The following ANKMY1 variants were observed in gnomAD, a reference collection of about 807,000 sequenced individuals.
ANKMY1 encodes the protein ankyrin repeat and MYND domain containing 1.
A neutral mutation model predicts 102.0 loss-of-function variants in ANKMY1; 98 were observed. The observed-to-expected ratio is 0.96, with a 90% CI of 0.82 to 1.14. The LOEUF is 1.14. Among genes scored for constraint, ANKMY1 ranks in the 50% most tolerant of loss-of-function variants. The pLI is 0.00. For synonymous variants in ANKMY1, 582 were observed against 559.9 expected (o/e 1.04, Z -0.56); for missense variants, 1,330 against 1,347.6 (o/e 0.99, Z 0.20).
At chr2:240,508,602 C>G (rs763194198) in intron 12 of ANKMY1, among the ~76,000 whole-genome samples, 3 of 152,156 alleles carry the variant, frequency 2.0e-5, no homozygotes, top group Non-Finnish European at 4.4e-5. Flanking sequence ...TTGTCATTTC[C>G]TGAAACTGTG....
chr2:240,525,796 C>G lies in ANKMY1; in HGVS notation c.1224G>C (p.Val408=), dbSNP rs2083246956. The change falls in exon 7 of 18, where the codon GTG becomes GTC. Residue 408 remains valine, a synonymous_variant. Transcript: ENST00000401804. Reference sequence around the variant, plus strand: ...TGAGACCCTCATCTGAGCACTTGTTCACGTCGGCCCCACAGTCCAGGAGAA... The same window carrying G: ...TGAGACCCTCATCTGAGCACTTGTTGACGTCGGCCCCACAGTCCAGGAGAA... ...VNLLLDCGAD[V]NKCSDEGLTA... is the part of the protein sequence containing the mutation. 4 of 1,614,126 alleles carry G rather than the reference C, an allele frequency of 2.5e-6. No homozygotes were observed. In the South Asian group the frequency reaches 4.4e-5, roughly 18 times the overall value.
chr2:240,544,598 G>A (rs543869570), intron 4 of ANKMY1, among the ~76,000 whole-genome samples: 227 of 152,292 alleles, frequency 1.5e-3, no homozygotes, highest in African/African-American at 5.1e-3. Flanking sequence ...CTGAGGTACC[G>A]GGTTCATCTC....
intron 7 of ANKMY1, among the ~76,000 whole-genome samples, chr2:240,524,808 C>T (rs1438320759): frequency 1.3e-5 from 2 of 152,202 alleles, no homozygotes; most frequent in African/African-American, 4.8e-5. Context: ...TTTACTTTTT[C>T]ATGTGGCTAC....
At chr2:240,533,706 T>A (rs1273510280) in intron 4 of ANKMY1, among the ~76,000 whole-genome samples, 4 of 138,116 alleles carry the variant, frequency 2.9e-5, no homozygotes, top group Non-Finnish European at 6.2e-5. Context: ...ATTATTGGGC[T>A]GGATTTCAAT....
intron 15 of ANKMY1, among the ~76,000 whole-genome samples, chr2:240,497,648 A>G (rs1485774406): frequency 6.6e-6 from 1 of 152,146 alleles, no homozygotes; most frequent in African/African-American, 2.4e-5. Context: ...TAGCCAGTCT[A>G]TAGTTTAGTC....
At chr2:240,474,640 G>C (rs1172590892), downstream of ANKMY1, among the ~76,000 whole-genome samples, 1 of 152,098 alleles carries the variant, frequency 6.6e-6, no homozygotes, top group Non-Finnish European at 1.5e-5. Flanking sequence ...TAATCATTTA[G>C]ATCCTACTTA....
chr2:240,469,513 A>C, the ANKMY1 span, among the ~76,000 whole-genome samples: 1 of 152,200 alleles, frequency 6.6e-6, no homozygotes, highest in African/African-American at 2.4e-5. Context: ...GCAGCCCCTC[A>C]GTCAGCCTCC....
chr2:240,560,661 A>G (rs1487088564), upstream of ANKMY1: 4 of 1,494,396 alleles, frequency 2.7e-6, no homozygotes, highest in Non-Finnish European at 3.5e-6. Context: ...TCAGGGCCCA[A>G]AAGCAGACTC....
chr2:240,524,684 A>G (rs1024214104), intron 7 of ANKMY1, among the ~76,000 whole-genome samples: 1 of 152,272 alleles, frequency 6.6e-6, no homozygotes, highest in Non-Finnish European at 1.5e-5. Flanking sequence ...GAGAGGTTGG[A>G]AAACGAAGGC....
intron 2 of ANKMY1, chr2:240,555,316 C>T (rs1465274020): frequency 2.0e-6 from 1 of 501,536 alleles, no homozygotes; most frequent in Non-Finnish European, 3.6e-6. Flanking sequence ...AGAGGCAGGA[C>T]CAGTCGGCCT....
At chr2:240,558,074 C>G, upstream of ANKMY1, 1 of 772,166 alleles carries the variant, frequency 1.3e-6, no homozygotes, top group Non-Finnish European at 1.6e-6. Flanking sequence ...CCAGGACGCA[C>G]CCGGCCCCGC....
chr2:240,536,457 C>G (rs1323617691), intron 4 of ANKMY1, among the ~76,000 whole-genome samples: 1 of 152,096 alleles, frequency 6.6e-6, no homozygotes, highest in African/African-American at 2.4e-5. Context: ...GGCACAGCAG[C>G]GCCACTCATT....
chr2:240,541,541 C>T (rs1356266383), intron 4 of ANKMY1, among the ~76,000 whole-genome samples: 3 of 140,468 alleles, frequency 2.1e-5, no homozygotes, highest in African/African-American at 5.3e-5. Context: ...GTCTCACTCT[C>T]GCCCAGGCTG....
chr2:240,556,502 T>C (rs757245097), intron 2 of ANKMY1, among the ~76,000 whole-genome samples: 1 of 152,162 alleles, frequency 6.6e-6, no homozygotes, highest in Non-Finnish European at 1.5e-5. Context: ...GAAACCAATA[T>C]TGCTATAGAT....
intron 4 of ANKMY1, among the ~76,000 whole-genome samples, chr2:240,548,237 G>A (rs1468850502): frequency 8.6e-5 from 13 of 151,942 alleles, no homozygotes; most frequent in African/African-American, 2.7e-4. Flanking sequence ...GTAATCCAGC[G>A]TATAAACAGA....
chr2:240,521,293 AGTCTCCAGACCC>A lies in ANKMY1; in HGVS notation c.1833-772_1833-761del, dbSNP rs367577107. Among the ~76,000 whole-genome samples, 389 of 152,198 alleles carry A rather than the reference AGTCTCCAGACCC, an allele frequency of 2.6e-3. 3 individuals are homozygous for A. The highest frequency in any genetic ancestry group is 8.7e-3 in the African/African-American group (361 of 41,522). On this transcript the variant is annotated intron_variant, in intron 8 of 17. Transcript: ENST00000401804. ...GCACTTGAGCAGCAGCCTCCAGCCC[AGTCTCCAGACCC>A]GTCTCCAGACCCTGACCACTCGGAA...
At chr2:240,549,788 G>C (rs912419396) in intron 4 of ANKMY1, among the ~76,000 whole-genome samples, 2 of 152,210 alleles carry the variant, frequency 1.3e-5, no homozygotes, top group African/African-American at 4.8e-5. Flanking sequence ...CTGGCTATCA[G>C]AGAAATGCAA....
intron 17 of ANKMY1, 115 bp downstream of exon 17, chr2:240,480,822 C>T: frequency 7.1e-7 from 1 of 1,399,646 alleles, no homozygotes; most frequent in Non-Finnish European, 9.5e-7. Context: ...GGGAAAGTGG[C>T]CTGAATCTGG....
intron 4 of ANKMY1, among the ~76,000 whole-genome samples, chr2:240,531,051 G>T (rs549199939): frequency 6.6e-6 from 1 of 151,514 alleles, no homozygotes; most frequent in Admixed American, 6.6e-5. Context: ...AAGTCCATAA[G>T]AACATAAATA....
Sources: allele counts gnomAD v4.1 joint callset (sites outside exome capture counted in the v4.1 genomes callset), GRCh38; gene constraint gnomAD v4.1.1; transcripts MANE v1.5; gene names NCBI Gene and HGNC (gene_info 2026-07-23, HGNC 2026-07-21).